Variants in SERPINC1 observed in about 807,000 individuals in gnomAD.
SERPINC1 encodes the protein serpin family C member 1.
In SERPINC1, 12 loss-of-function variants were observed where a neutral mutation model predicts 43.4. The observed-to-expected ratio is 0.28, with a 90% confidence interval of 0.18 to 0.45. SERPINC1 has a LOEUF of 0.45. SERPINC1 is among the 20% of genes least tolerant of loss of function. SERPINC1 has a pLI of 1.00. For missense variants in SERPINC1, 423 were observed against 578.8 expected (o/e 0.73, Z 2.76); for synonymous variants, 210 against 218.9 (o/e 0.96, Z 0.36).
chr1:173,917,116 G>T (rs1198346698), intron 1 of SERPINC1, 103 bp downstream of exon 1: 5 of 957,640 alleles, frequency 5.2e-6, no homozygotes, highest in Non-Finnish European at 8.4e-6. Context: ...CTACCAGGGA[G>T]AGGGCCTGGT....
rs767683540 is a variant in SERPINC1 at position 173,909,627 on chromosome 1, C to G, written c.1078G>C (p.Gly360Arg). The G allele has an allele frequency of 6.2e-7, 1 of 1,613,906 alleles. No homozygotes were observed. Among genetic ancestry groups the G allele is most frequent in the Non-Finnish European group, 8.5e-7 (1 of 1,179,980 alleles). Residue 360 changes from glycine to arginine, a missense_variant, in exon 5 of 7, where the codon GGC (glycine) becomes CGC (arginine). Transcript: ENST00000367698. ...TGCAGCTGCTCCTTCAAACTGAAGC[C>G]GTCCTCAATGCGGAAGCGGGGCATG... ...VHMPRFRIED[G>R]FSLKEQLQDM... is the part of the protein sequence containing the mutation.
chr1:173,914,746 A>T lies in SERPINC1; in HGVS notation c.215T>A (p.Ile72Asn). The T allele has an allele frequency of 6.2e-7, 1 of 1,614,206 alleles. No individual in the cohort carries two copies. The highest frequency in any genetic ancestry group is 1.7e-5 in the Admixed American group (1 of 60,020). ...GACACGCCGGTTGGTGGCCTCCGGG[A>T]TCTTCTGTTCTGAGCCCTCATCCTC... Reference protein sequence around the residue: ...ATEDEGSEQKIPEATNRRVWE... With the variant: ...ATEDEGSEQKNPEATNRRVWE... The change falls in exon 2 of 7, where the codon ATC becomes AAC. Residue 72 changes from isoleucine (I) to asparagine (N), a missense_variant. Transcript: ENST00000367698.
chr1:173,909,963 A>G, intron 4 of SERPINC1, 21 bp from the exon 5 acceptor site: 1 of 1,613,126 alleles, frequency 6.2e-7, no homozygotes, highest in South Asian at 1.1e-5. Flanking sequence ...ATCACAAAGT[A>G]AGAACACAAA....
chr1:173,907,398 T>C, intron 6 of SERPINC1, 52 bp downstream of exon 6: 3 of 1,391,882 alleles, frequency 2.2e-6, no homozygotes, highest in Non-Finnish European at 3.1e-6. Context: ...GTGTTCCTGC[T>C]GTTCATGCAT....
intron 1 of SERPINC1, 158 bp from the exon 2 acceptor site, chr1:173,915,077 T>C: frequency 6.6e-7 from 1 of 1,505,830 alleles, no homozygotes; most frequent in East Asian, 2.5e-5. Flanking sequence ...CCGGGACAGG[T>C]TCAGTCCTAG....
At chr1:173,912,040 G>T (rs368106455) in intron 2 of SERPINC1, 26 bp from the exon 3 acceptor site, 2 of 1,544,214 alleles carry the variant, frequency 1.3e-6, no homozygotes, top group South Asian at 2.2e-5. Context: ...AAAAATGGTG[G>T]TGGGTTTGGT....
At chr1:173,910,917 C>T (rs1184135596) in intron 3 of SERPINC1, 26 bp from the exon 4 acceptor site, 3 of 1,613,840 alleles carry the variant, frequency 1.9e-6, no homozygotes, top group Admixed American at 3.3e-5. Flanking sequence ...AATAAACCTA[C>T]TCACCTGTGC....
Position 173,914,565 on chromosome 1 carries a change from C to G in SERPINC1, c.396G>C (p.Gln132His), listed in dbSNP as rs1657906967. 1 of 1,614,140 alleles carries G rather than the reference C, an allele frequency of 6.2e-7. No homozygotes were observed. The highest frequency in any genetic ancestry group is 1.7e-5 in the Admixed American group (1 of 60,032). ...CCTTTGGTCGTACCTCCATCAGTTGCTGGAGGGTGTCATTACAGGCACCCA... is the reference window on the plus strand; with the variant it reads ...CCTTTGGTCGTACCTCCATCAGTTGGTGGAGGGTGTCATTACAGGCACCCA... ...TKLGACNDTL[Q>H]QLMEVFKFDT... The change falls in exon 2 of 7, where the codon CAG (glutamine) becomes CAC (histidine). Residue 132 changes from glutamine (Q) to histidine (H), a missense_variant. Gln to His is a conservative substitution (Grantham distance 24). Coordinates refer to ENST00000367698, the MANE Select transcript of SERPINC1 (RefSeq NM_000488.4).
At chr1:173,911,666 T>C in intron 3 of SERPINC1, 133 bp downstream of exon 3, 1 of 747,852 alleles carries the variant, frequency 1.3e-6, no homozygotes, top group Non-Finnish European at 2.4e-6. Context: ...ATTGCAGGGG[T>C]TCTAACTTTT....
chr1:173,914,465 G>GT, intron 2 of SERPINC1, 88 bp downstream of exon 2: 1 of 1,490,548 alleles, frequency 6.7e-7, no homozygotes, highest in Non-Finnish European at 9.3e-7. Flanking sequence ...GGCCTGCAGT[G>GT]TTGGTTGAGG....
At chr1:173,915,116 C>T in intron 1 of SERPINC1, 197 bp from the exon 2 acceptor site, 1 of 1,445,080 alleles carries the variant, frequency 6.9e-7, no homozygotes, top group Non-Finnish European at 9.0e-7. Context: ...GTTCAGTTGC[C>T]TGGACGTGGT....
At chr1:173,908,490 C>CA (rs753240633) in intron 5 of SERPINC1, among the ~76,000 whole-genome samples, 5,298 of 52,936 alleles carry the variant, frequency 0.1, 659 homozygotes, top group African/African-American at 0.29. Context: ...GACTTCGTCT[C>CA]AAAAAAAAAA....
At position 173,910,880 on chromosome 1, in the gene SERPINC1, C is replaced by T; in HGVS notation, c.636G>A (p.Glu212=). 1 of 1,614,150 alleles carries T rather than the reference C, an allele frequency of 6.2e-7. No homozygotes were observed. Among genetic ancestry groups the T allele is most frequent in the Non-Finnish European group, 8.5e-7 (1 of 1,180,010 alleles). The part of the protein sequence containing the change: ...LQPLDFKENA[E]QSRAAINKWV... The stretch of plus-strand genomic sequence containing the variant: ...ATTTGTTGATGGCCGCTCTGGATTG[C>T]TCTGCATTTTCCTGAGGAGAACAGA... The change falls in exon 4 of 7, where the codon GAG becomes GAA. Residue 212 remains glutamate (E), a synonymous_variant. Coordinates refer to ENST00000367698, the MANE Select transcript of SERPINC1 (RefSeq NM_000488.4).
intron 6 of SERPINC1, 135 bp downstream of exon 6, chr1:173,907,315 G>T: frequency 1.3e-6 from 1 of 748,202 alleles, no homozygotes; most frequent in Non-Finnish European, 2.4e-6. Flanking sequence ...TGAAGGTTTT[G>T]GAGAGGGCTG....
At chr1:173,912,124 T>G in intron 2 of SERPINC1, 110 bp from the exon 3 acceptor site, 1 of 773,174 alleles carries the variant, frequency 1.3e-6, no homozygotes, top group Non-Finnish European at 2.3e-6. Context: ...AGTTGTTAAC[T>G]CCTTCAAGCA....
intron 5 of SERPINC1, 145 bp from the exon 6 acceptor site, chr1:173,907,659 C>A: frequency 1.4e-6 from 1 of 740,586 alleles, no homozygotes; most frequent in Non-Finnish European, 2.5e-6. Context: ...ATCATACTCT[C>A]ACAATGAATA....
rs775919922 is a variant in SERPINC1 at position 173,917,290 on chromosome 1, T to C, written c.-31A>G. ...CTAATCTTCCACAGGGCTGGGCAAG[T>C]GGAGATAGTGTGATCTGAGGCAATC... On this transcript the variant is annotated 5_prime_UTR_variant, in exon 1 of 7. Coordinates refer to ENST00000367698, the MANE Select transcript of SERPINC1 (RefSeq NM_000488.4). 6.8e-6 allele frequency: 11 copies of C among 1,609,118 alleles called. No individual in the cohort carries two copies. The Admixed American group carries it at 1.8e-4, about 27-fold the overall frequency.
Position 173,910,864 on chromosome 1 carries a change from T to C in SERPINC1, c.652A>G (p.Ile218Val). 1 of 1,614,170 alleles carries C rather than the reference T, an allele frequency of 6.2e-7. No homozygotes were observed. The highest frequency in any genetic ancestry group is 8.5e-7 in the Non-Finnish European group (1 of 1,180,020). The change falls in exon 4 of 7, where the codon ATC becomes GTC. Residue 218 changes from isoleucine (I) to valine (V), a missense_variant. Transcript: ENST00000367698. ...GTCTTATTGGACACCCATTTGTTGATGGCCGCTCTGGATTGCTCTGCATTT... is the reference window on the plus strand; with the variant it reads ...GTCTTATTGGACACCCATTTGTTGACGGCCGCTCTGGATTGCTCTGCATTT... ...KENAEQSRAA[I>V]NKWVSNKTEG...
At chr1:173,914,507 A>G (rs772807526) in intron 2 of SERPINC1, 46 bp downstream of exon 2, 1 of 1,612,652 alleles carries the variant, frequency 6.2e-7, no homozygotes, top group South Asian at 1.1e-5. Context: ...GGAAGCCCCA[A>G]AGGTGCTCCT....
Sources: gnomAD v4.1 joint callset for allele counts (sites outside exome capture counted in the v4.1 genomes callset) on GRCh38, gnomAD v4.1.1 for gene constraint, MANE v1.5 for transcripts, NCBI Gene and HGNC (gene_info 2026-07-23, HGNC 2026-07-21) for gene names.